GRIK5: variants seen among roughly 807,000 people sequenced by gnomAD.
The protein encoded by GRIK5 is glutamate receptor ionotropic, kainate 5.
Under a neutral mutation model 97.4 loss-of-function variants are expected in GRIK5, and 43 were observed. The observed-to-expected ratio is 0.44, with a 90% confidence interval of 0.35 to 0.57. The LOEUF (loss-of-function observed/expected upper bound fraction) is 0.57. Ranked by LOEUF, GRIK5 falls within the 20% of genes least tolerant of loss-of-function variation. The probability of loss-of-function intolerance (pLI) is 0.01; values close to 1 mark genes in which losing one functional copy is unlikely to be tolerated. For missense variants in GRIK5, 1,015 were observed against 1,382.0 expected, an observed-to-expected ratio of 0.73 and a Z score of 4.21; for synonymous variants, 580 against 583.5, an observed-to-expected ratio of 0.99 and a Z score of 0.09.
At position 42,021,494 on chromosome 19, in the gene GRIK5, G is replaced by A. The variant is rs773521966; in HGVS notation, c.1698-20C>T. The stretch of plus-strand genomic sequence containing the variant: ...CTCAGCCTGTGGAGAGACGTGCAGC[G>A]TGTGGATGGGGCCCAGAGCCCAGGT... On this transcript the variant is annotated intron_variant, in intron 14 of 19. Coordinates refer to ENST00000593562, the MANE Select transcript of GRIK5 (RefSeq NM_002088.5). This position sits in a 1 kb window ranked among gnomAD's most constrained non-coding sequence, Gnocchi z 4.2. The A allele has an allele frequency of 1.1e-5, 17 of 1,511,852 alleles. No individual in the cohort carries two copies. Among genetic ancestry groups the A allele is most frequent in the Middle Eastern group, 1.8e-4 (1 of 5,630 alleles). 93.7% of individuals were successfully genotyped at this position (1,511,852 alleles called of 1,614,324 possible).
At chr19:42,024,959 G>A (rs910034918) in intron 12 of GRIK5, among the ~76,000 whole-genome samples, 6 of 152,162 alleles carry the variant, frequency 3.9e-5, no homozygotes, top group African/African-American at 7.2e-5. Flanking sequence ...AACCACAGGC[G>A]TTTCAGAAGC....
At chr19:42,005,294 C>T (rs1555872151) in intron 17 of GRIK5, among the ~76,000 whole-genome samples, 2 of 149,246 alleles carry the variant, frequency 1.3e-5, no homozygotes, top group African/African-American at 5.0e-5. Flanking sequence ...TAAATAGGCA[C>T]ATACAAGTCT....
chr19:42,012,712 A>G (rs1362906911), intron 15 of GRIK5, among the ~76,000 whole-genome samples: 2 of 151,972 alleles, frequency 1.3e-5, no homozygotes, highest in African/African-American at 2.4e-5. Flanking sequence ...CTATCTCTAC[A>G]AAAAGTTAGC....
intron 17 of GRIK5, among the ~76,000 whole-genome samples, chr19:42,005,254 A>AC (rs1398334659): frequency 4.0e-5 from 6 of 151,232 alleles, no homozygotes; most frequent in South Asian, 2.1e-4. Flanking sequence ...AAAAAAAAAA[A>AC]AAACAAAACA....
chr19:42,046,208 T>C lies in GRIK5; in HGVS notation c.1270-3453A>G, dbSNP rs775864034. ...ACTCTGAACCCTGTTCCTTCCACTATGCCAAGCTGATCTCTAAATTCAAGA... is the reference window on the plus strand; with the variant it reads ...ACTCTGAACCCTGTTCCTTCCACTACGCCAAGCTGATCTCTAAATTCAAGA... On this transcript the variant is annotated intron_variant, in intron 11 of 19. Transcript: ENST00000593562. Among the ~76,000 whole-genome samples, 49 of 152,304 alleles carry C rather than the reference T, an allele frequency of 3.2e-4. 1 individual carries two copies. Among genetic ancestry groups the C allele is most frequent in the African/African-American group, 1.2e-3 (48 of 41,574 alleles).
At chr19:42,012,147 T>C (rs976570009) in intron 15 of GRIK5, among the ~76,000 whole-genome samples, 1 of 152,226 alleles carries the variant, frequency 6.6e-6, no homozygotes, top group Non-Finnish European at 1.5e-5. Flanking sequence ...TCTGACCTGC[T>C]GTCTATTTTT....
chr19:42,037,591 T>C (rs1470534676), intron 12 of GRIK5, among the ~76,000 whole-genome samples: 1 of 152,212 alleles, frequency 6.6e-6, no homozygotes, highest in African/African-American at 2.4e-5. Flanking sequence ...ACTGGGGACC[T>C]GAAGCTGGCT....
intron 12 of GRIK5, among the ~76,000 whole-genome samples, chr19:42,038,901 C>T (rs769112015): frequency 6.6e-5 from 10 of 152,186 alleles, no homozygotes; most frequent in Non-Finnish European, 1.5e-4. Context: ...CTATCCTTCA[C>T]GCTCCAGCTC....
intron 15 of GRIK5, among the ~76,000 whole-genome samples, chr19:42,010,824 G>T (rs576534188): frequency 1.2e-4 from 18 of 152,102 alleles, no homozygotes; most frequent in Admixed American, 2.0e-4. Flanking sequence ...TTAGTGGTTT[G>T]GTTTTGTTTT....
Position 42,065,641 on chromosome 19 carries a change from G to A in GRIK5, c.79+51C>T, listed in dbSNP as rs1055301690. 1.4e-6 allele frequency: 2 copies of A among 1,419,324 alleles called. No individual in the cohort carries two copies. The highest frequency in any genetic ancestry group is 2.8e-5 in the African/African-American group (2 of 70,952). The allele number at this position is 1,419,324 out of a possible 1,614,324, so 87.9% of individuals were successfully genotyped here. A position where few individuals can be genotyped will look rare whatever the true frequency, so the allele number is the denominator to read the frequency against. On this transcript the variant is annotated intron_variant, in intron 2 of 19. Coordinates refer to ENST00000593562, the MANE Select transcript of GRIK5 (RefSeq NM_002088.5). The surrounding 1 kb of genome is among the most constrained non-coding windows in gnomAD (Gnocchi z 5.8). Reference sequence around the variant, plus strand: ...ACGGACTGGCATGCCTGGGTCCCCAGAGGAGCCCCAGGGCCTGAGGATGCA... The same window carrying A: ...ACGGACTGGCATGCCTGGGTCCCCAAAGGAGCCCCAGGGCCTGAGGATGCA...
chr19:42,027,380 G>A (rs951262611), intron 12 of GRIK5, among the ~76,000 whole-genome samples: 1 of 152,216 alleles, frequency 6.6e-6, no homozygotes, highest in African/African-American at 2.4e-5. Flanking sequence ...AGTGATCAGC[G>A]GGTTCAGTCC....
intron 3 of GRIK5, chr19:42,063,187 CT>C: frequency 2.1e-6 from 1 of 480,982 alleles, no homozygotes; most frequent in Non-Finnish European, 4.1e-6. Flanking sequence ...TGTTCTCAAC[CT>C]TTTCAGCCAT....
At chr19:42,047,900 G>A (rs1353869671) in intron 11 of GRIK5, among the ~76,000 whole-genome samples, 1 of 151,046 alleles carries the variant, frequency 6.6e-6, no homozygotes, top group Non-Finnish European at 1.5e-5. Context: ...GAACCCAGGA[G>A]GTGGAGGTTG....
intron 15 of GRIK5, among the ~76,000 whole-genome samples, chr19:42,007,375 G>A (rs1209265397): frequency 6.6e-6 from 1 of 152,212 alleles, no homozygotes; most frequent in Non-Finnish European, 1.5e-5. Context: ...GATTACAGGA[G>A]TGAGCGACCA....
At chr19:42,059,764 C>A (rs868693528) in intron 5 of GRIK5, among the ~76,000 whole-genome samples, 25 of 152,130 alleles carry the variant, frequency 1.6e-4, no homozygotes, top group African/African-American at 6.0e-4. Context: ...CTGCCACCTT[C>A]CTGACCCCTC....
At chr19:42,026,948 T>C (rs904603210) in intron 12 of GRIK5, among the ~76,000 whole-genome samples, 3 of 152,114 alleles carry the variant, frequency 2.0e-5, no homozygotes, top group African/African-American at 7.2e-5. Context: ...AATAAGACTA[T>C]GTGCCATGCC....
At chr19:42,014,349 G>A (rs941349809) in intron 15 of GRIK5, among the ~76,000 whole-genome samples, 6 of 149,592 alleles carry the variant, frequency 4.0e-5, no homozygotes, top group Admixed American at 3.3e-4. Context: ...AGCTGAGATC[G>A]TGCTGTTGCA....
At chr19:42,040,857 G>A (rs575395693) in intron 12 of GRIK5, among the ~76,000 whole-genome samples, 39 of 151,960 alleles carry the variant, frequency 2.6e-4, no homozygotes, top group African/African-American at 8.9e-4. Context: ...GGCAACAGAG[G>A]AGACTCTGTC....
At chr19:42,009,689 A>AT (rs1555873561) in intron 15 of GRIK5, among the ~76,000 whole-genome samples, 1 of 148,736 alleles carries the variant, frequency 6.7e-6, no homozygotes, top group Admixed American at 6.7e-5. Flanking sequence ...AATTGCCTGA[A>AT]CCTGGGAGGT....
Sources: allele counts gnomAD v4.1 joint callset (sites outside exome capture counted in the v4.1 genomes callset), GRCh38; gene constraint gnomAD v4.1.1; non-coding constraint Gnocchi (gnomAD v3.1); transcripts MANE v1.5; gene names NCBI Gene and HGNC (gene_info 2026-07-23, HGNC 2026-07-21).